ADGRG5: variants seen among roughly 807,000 people sequenced by gnomAD.
The protein encoded by ADGRG5 is adhesion G protein-coupled receptor G5.
In ADGRG5, 37 loss-of-function variants were observed where a neutral mutation model predicts 53.2. That is an observed-to-expected ratio of 0.70 (90% CI 0.53 to 0.91). The LOEUF is 0.91. ADGRG5 is among the 40% of genes least tolerant of loss of function. The pLI is 0.00. For synonymous variants in ADGRG5, 277 were observed against 290.4 expected, an observed-to-expected ratio of 0.95 and a Z score of 0.47; for missense variants, 614 against 675.8, an observed-to-expected ratio of 0.91 and a Z score of 1.01.
chr16:57,567,874 A>G lies in ADGRG5; in HGVS notation c.840A>G (p.Leu280=), dbSNP rs763413100. 6.2e-7 allele frequency: 1 copy of G among 1,611,214 alleles called. No homozygotes were observed. The highest frequency in any genetic ancestry group is 8.5e-7 in the Non-Finnish European group (1 of 1,179,758). The part of the protein sequence containing the change: ...HFHFRKQSDS[L]TRIHMNLHAS... Reference sequence around the variant, plus strand: ...CCTGCAGGAAGCAGAGTGACTCCTTAACACGCATCCACATGAACCTGCATG... The same window carrying G: ...CCTGCAGGAAGCAGAGTGACTCCTTGACACGCATCCACATGAACCTGCATG... Residue 280 remains leucine, a synonymous_variant, in exon 9 of 12, where the codon TTA becomes TTG. Coordinates refer to ENST00000349457, the MANE Select transcript of ADGRG5 (RefSeq NM_001304376.3).
At chr16:57,570,962 A>C (rs2033336654) in intron 10 of ADGRG5, among the ~76,000 whole-genome samples, 2 of 151,978 alleles carry the variant, frequency 1.3e-5, no homozygotes. Flanking sequence ...AAGTCCTCCT[A>C]GTCGGACAAG....
intron 6 of ADGRG5, 199 bp from the exon 7 acceptor site, chr16:57,566,400 G>T: frequency 2.3e-6 from 1 of 433,438 alleles, no homozygotes; most frequent in Non-Finnish European, 4.0e-6. Context: ...GAGCAACTTG[G>T]TGTCTTGCCT....
chr16:57,575,616 G>A lies in ADGRG5; in HGVS notation c.*78G>A, dbSNP rs2033496222. The A allele has an allele frequency of 8.4e-7, 1 of 1,192,068 alleles. No individual in the cohort carries two copies. Among genetic ancestry groups the A allele is most frequent in the Non-Finnish European group, 1.2e-6 (1 of 811,922 alleles). The allele number at this position is 1,192,068 out of a possible 1,614,324, so 73.8% of individuals were successfully genotyped here. ...GGCTACGGCTCCTGCTAGAGAGGGT[G>A]GCAGGCCTGCTGCTGGACCCCAGAG... On this transcript the variant is annotated 3_prime_UTR_variant, in exon 12 of 12. Coordinates refer to ENST00000349457, the MANE Select transcript of ADGRG5 (RefSeq NM_001304376.3).
At chr16:57,557,973 A>G (rs1349148773) in intron 1 of ADGRG5, among the ~76,000 whole-genome samples, 3 of 152,336 alleles carry the variant, frequency 2.0e-5, no homozygotes, top group Non-Finnish European at 2.9e-5. Flanking sequence ...CTGGTTCTGT[A>G]TGTCTTAAAA....
chr16:57,539,938 G>C (rs2032465844), upstream of ADGRG5, among the ~76,000 whole-genome samples: 1 of 152,036 alleles, frequency 6.6e-6, no homozygotes, highest in African/African-American at 2.4e-5. Context: ...GTTAGAGAGG[G>C]GTTAAAACAA....
At position 57,576,410 on chromosome 16, in the gene ADGRG5, T is replaced by C. The variant is rs561249304; in HGVS notation, c.*872T>C. On this transcript the variant is annotated 3_prime_UTR_variant, in exon 12 of 12. Transcript: ENST00000349457. ...TCCCAGTGTCCTGGCTGTTTGGTGA[T>C]TGGGCAAGATTGAATTTGCCCAGGT... is the stretch of plus-strand genomic sequence containing the variant. The C allele has an allele frequency of 1.3e-5, 2 of 152,270 alleles. No homozygotes were observed. The highest frequency in any genetic ancestry group is 1.3e-4 in the Admixed American group (2 of 15,300). 9.4% of individuals were successfully genotyped at this position (152,270 alleles called of 1,614,324 possible). A position where few individuals can be genotyped will look rare whatever the true frequency, so the allele number is the denominator to read the frequency against.
chr16:57,574,801 A>G lies in ADGRG5; in HGVS notation c.1209-14A>G. On this transcript the variant is annotated splice_polypyrimidine_tract_variant and intron_variant, in intron 10 of 11. Coordinates refer to ENST00000349457, the MANE Select transcript of ADGRG5 (RefSeq NM_001304376.3). This position sits in a 1 kb window ranked among gnomAD's most constrained non-coding sequence, Gnocchi z 4.4. ...GGAGCCACTGTGAGCCTGACACGTCACCCTCCCCTGCAGATGCTGGGTGCG... is the reference window on the plus strand; with the variant it reads ...GGAGCCACTGTGAGCCTGACACGTCGCCCTCCCCTGCAGATGCTGGGTGCG... 1 of 1,551,338 alleles carries G rather than the reference A, an allele frequency of 6.4e-7. No homozygotes were observed. The highest frequency in any genetic ancestry group is 8.7e-7 in the Non-Finnish European group (1 of 1,146,712).
intron 1 of ADGRG5, chr16:57,542,990 G>A (rs1433431780): frequency 6.6e-6 from 1 of 152,316 alleles, no homozygotes; most frequent in Non-Finnish European, 1.5e-5. Context: ...CAAGTGAAGA[G>A]AGGTTTCTTT....
At chr16:57,541,247 C>T (rs1197777678), upstream of ADGRG5, among the ~76,000 whole-genome samples, 2 of 152,164 alleles carry the variant, frequency 1.3e-5, no homozygotes, top group African/African-American at 4.8e-5. Context: ...GTAGGCAGGG[C>T]CTCCTCCTGA....
At chr16:57,562,992 T>G (rs1274926136) in intron 3 of ADGRG5, 99 bp from the exon 4 acceptor site, 5 of 1,154,194 alleles carry the variant, frequency 4.3e-6, no homozygotes, top group Non-Finnish European at 6.4e-6. Context: ...GACAGAGGTG[T>G]GGGTGGGGAG....
At chr16:57,534,445 T>C in the ADGRG5 span, among the ~76,000 whole-genome samples, 1 of 152,222 alleles carries the variant, frequency 6.6e-6, no homozygotes, top group Non-Finnish European at 1.5e-5. Flanking sequence ...TGGACTTGTC[T>C]GGAATATCTC....
intron 1 of ADGRG5, among the ~76,000 whole-genome samples, chr16:57,561,108 AT>A (rs1210698392): frequency 6.6e-6 from 1 of 152,148 alleles, no homozygotes; most frequent in African/African-American, 2.4e-5. Context: ...CTCTTCCTTC[AT>A]CCCCTCTTCA....
intron 1 of ADGRG5, among the ~76,000 whole-genome samples, chr16:57,550,652 G>C (rs1274233004): frequency 6.6e-6 from 1 of 152,004 alleles, no homozygotes; most frequent in Non-Finnish European, 1.5e-5. Flanking sequence ...AGATATTGTG[G>C]GTTTGGTTTT....
At position 57,575,628 on chromosome 16, in the gene ADGRG5, G is replaced by C; in HGVS notation, c.*90G>C. Reference sequence around the variant, plus strand: ...TGCTAGAGAGGGTGGCAGGCCTGCTGCTGGACCCCAGAGGCCACTGTGACC... The same window carrying C: ...TGCTAGAGAGGGTGGCAGGCCTGCTCCTGGACCCCAGAGGCCACTGTGACC... On this transcript the variant is annotated 3_prime_UTR_variant, in exon 12 of 12. Transcript: ENST00000349457. 9.5e-7 allele frequency: 1 copy of C among 1,052,140 alleles called. No homozygotes were observed. Among genetic ancestry groups the C allele is most frequent in the Non-Finnish European group, 1.4e-6 (1 of 692,876 alleles). The allele number at this position is 1,052,140 out of a possible 1,614,324, so 65.2% of individuals were successfully genotyped here.
chr16:57,575,785 G>C lies in ADGRG5; in HGVS notation c.*247G>C. 2.0e-6 allele frequency: 1 copy of C among 495,518 alleles called. No individual in the cohort carries two copies. The highest frequency in any genetic ancestry group is 5.6e-4 in the Middle Eastern group (1 of 1,786). The allele number at this position is 495,518 out of a possible 1,614,324, so 30.7% of individuals were successfully genotyped here. On this transcript the variant is annotated 3_prime_UTR_variant, in exon 12 of 12. Transcript: ENST00000349457. ...GGCAGCAAACTTTGTCCTGGTACCT[G>C]GGCCCAGCTCGCCAGGGATGTGGGC...
intron 1 of ADGRG5, among the ~76,000 whole-genome samples, chr16:57,554,907 T>C (rs1686702788): frequency 6.6e-6 from 1 of 152,216 alleles, no homozygotes; most frequent in African/African-American, 2.4e-5. Context: ...ATTTCCCTTG[T>C]GATTTTGTCT....
the ADGRG5 span, among the ~76,000 whole-genome samples, chr16:57,536,037 G>A: frequency 6.6e-6 from 1 of 152,138 alleles, no homozygotes; most frequent in Non-Finnish European, 1.5e-5. Flanking sequence ...GGGGTTCCCG[G>A]CCCGCGCCGC....
At chr16:57,541,135 C>T (rs1394468952), upstream of ADGRG5, among the ~76,000 whole-genome samples, 1 of 152,146 alleles carries the variant, frequency 6.6e-6, no homozygotes, top group Non-Finnish European at 1.5e-5. Context: ...TAGTGAGCTT[C>T]AGGATCAGGA....
intron 7 of ADGRG5, 35 bp downstream of exon 7, chr16:57,566,786 A>T (rs751675969): frequency 7.1e-7 from 1 of 1,408,428 alleles, no homozygotes; most frequent in Non-Finnish European, 9.3e-7. Context: ...TCAGAGCTAC[A>T]GAGGGCCCTG....
Sources: allele counts gnomAD v4.1 joint callset (sites outside exome capture counted in the v4.1 genomes callset), GRCh38; gene constraint gnomAD v4.1.1; non-coding constraint Gnocchi (gnomAD v3.1); transcripts MANE v1.5; gene names NCBI Gene and HGNC (gene_info 2026-07-23, HGNC 2026-07-21).